FXN: variants seen among roughly 807,000 people sequenced by gnomAD.
FXN encodes the protein frataxin, mitochondrial.
In FXN, 14 loss-of-function variants were observed where a neutral mutation model predicts 22.4. The observed-to-expected ratio is 0.62, with a 90% CI of 0.41 to 0.98. The LOEUF (loss-of-function observed/expected upper bound fraction) is 0.98. Among genes scored for constraint, FXN ranks in the 50% least tolerant of loss-of-function variants. The pLI is 0.00. For synonymous variants in FXN, 120 were observed against 114.1 expected, an observed-to-expected ratio of 1.05 and a Z score of -0.33; for missense variants, 267 against 268.4, an observed-to-expected ratio of 0.99 and a Z score of 0.04.
intron 4 of FXN, among the ~76,000 whole-genome samples, chr9:69,070,701 A>G (rs927004262): frequency 3.9e-5 from 6 of 152,182 alleles, no homozygotes; most frequent in Admixed American, 6.5e-5. Flanking sequence ...TTTTTCAAAT[A>G]AAGGTTGTTT....
chr9:69,040,948 A>C (rs1831646926), intron 1 of FXN, among the ~76,000 whole-genome samples: 1 of 152,200 alleles, frequency 6.6e-6, no homozygotes, highest in African/African-American at 2.4e-5. Context: ...CTGTTGGTGC[A>C]TTGATCTTGG....
At chr9:69,041,547 C>CT (rs1831656669) in intron 1 of FXN, among the ~76,000 whole-genome samples, 1 of 152,178 alleles carries the variant, frequency 6.6e-6, no homozygotes, top group South Asian at 2.1e-4. Flanking sequence ...AAGGGGCAGC[C>CT]AATAATCAAC....
Position 69,077,625 on chromosome 9 carries a change from T to G in FXN, c.*4863T>G. The G allele has an allele frequency of 5.1e-6, 5 of 985,474 alleles. No homozygotes were observed. Among genetic ancestry groups the G allele is most frequent in the Non-Finnish European group, 6.0e-6 (5 of 829,984 alleles). The allele number at this position is 985,474 out of a possible 1,614,324, so 61.0% of individuals were successfully genotyped here. A position where few individuals can be genotyped will look rare whatever the true frequency, so the allele number is the denominator to read the frequency against. ...TGGGAACATTGTTAACGCCACATCT[T>G]GACCTCAAATTGTTTAGCTCCTGGC... On this transcript the variant is annotated 3_prime_UTR_variant, in exon 5 of 5. Transcript: ENST00000484259.
chr9:69,039,114 G>A (rs1026199120), intron 1 of FXN, among the ~76,000 whole-genome samples: 1 of 152,018 alleles, frequency 6.6e-6, no homozygotes, highest in Non-Finnish European at 1.5e-5. Context: ...TTAGCTGGAT[G>A]TGGTGGCACT....
At chr9:69,061,668 C>A (rs192020247) in intron 3 of FXN, among the ~76,000 whole-genome samples, 21 of 151,266 alleles carry the variant, frequency 1.4e-4, no homozygotes, top group Non-Finnish European at 2.5e-4. Flanking sequence ...ATCCCTCCCC[C>A]CTTCCCCCTC....
intron 4 of FXN, among the ~76,000 whole-genome samples, chr9:69,068,913 C>A (rs77510505): frequency 1.3e-5 from 2 of 152,170 alleles, no homozygotes; most frequent in Non-Finnish European, 2.9e-5. Context: ...TGAACTTCCC[C>A]GAGTGACTGA....
intron 1 of FXN, among the ~76,000 whole-genome samples, chr9:69,044,651 A>G (rs1831713982): frequency 6.6e-6 from 1 of 152,162 alleles, no homozygotes; most frequent in Non-Finnish European, 1.5e-5. Flanking sequence ...GGCAAGACCC[A>G]GGGCGCCCCC....
chr9:69,067,702 G>A (rs1290484236), intron 4 of FXN, among the ~76,000 whole-genome samples: 2 of 152,178 alleles, frequency 1.3e-5, no homozygotes, highest in Admixed American at 1.3e-4. Flanking sequence ...ATTCTGCAGA[G>A]GCATTCAACT....
At chr9:69,045,801 G>A (rs1440571803) in intron 1 of FXN, among the ~76,000 whole-genome samples, 1 of 151,100 alleles carries the variant, frequency 6.6e-6, no homozygotes, top group Non-Finnish European at 1.5e-5. Flanking sequence ...GAAGTAGAAA[G>A]TGGACACTTT....
intron 1 of FXN, among the ~76,000 whole-genome samples, chr9:69,038,420 A>G (rs1831600693): frequency 1.3e-5 from 2 of 152,192 alleles, no homozygotes; most frequent in African/African-American, 4.8e-5. Context: ...AGCCACACAC[A>G]TAATTCTACA....
At chr9:69,071,433 C>A (rs1362834305) in intron 4 of FXN, among the ~76,000 whole-genome samples, 1 of 152,180 alleles carries the variant, frequency 6.6e-6, no homozygotes, top group Non-Finnish European at 1.5e-5. Flanking sequence ...ACTCAGGTGC[C>A]CTTTCTTCTG....
intron 1 of FXN, among the ~76,000 whole-genome samples, chr9:69,038,065 G>A (rs1418561454): frequency 6.6e-6 from 1 of 152,226 alleles, no homozygotes; most frequent in Non-Finnish European, 1.5e-5. Flanking sequence ...TGGCGCTGCC[G>A]CCCAGGAGGT....
intron 1 of FXN, among the ~76,000 whole-genome samples, chr9:69,037,313 A>AGAAGAAG (rs1564327478): frequency 6.8e-6 from 1 of 147,906 alleles, no homozygotes; most frequent in Non-Finnish European, 1.5e-5. Context: ...AAAATAAAGA[A>AGAAGAAG]AAGTTAGCCG....
chr9:69,048,586 C>G (rs372789004), intron 2 of FXN, among the ~76,000 whole-genome samples: 2 of 151,532 alleles, frequency 1.3e-5, no homozygotes, highest in African/African-American at 4.8e-5. Flanking sequence ...GCCTGGGTAA[C>G]GAGCGAAATT....
At chr9:69,049,120 G>T (rs1388195516) in intron 2 of FXN, among the ~76,000 whole-genome samples, 1 of 152,146 alleles carries the variant, frequency 6.6e-6, no homozygotes, top group Admixed American at 6.5e-5. Flanking sequence ...GCACACCCTT[G>T]ACCTGCCATG....
rs1312710692 is a variant in FXN at position 69,077,769 on chromosome 9, A to C, written c.*5007A>C. On this transcript the variant is annotated 3_prime_UTR_variant, in exon 5 of 5. Transcript: ENST00000484259. ...ACATGGTAAAACCCCGCCTCTACTA[A>C]AAATACAAAAATTAGCTGGCCGTAG... is the stretch of plus-strand genomic sequence containing the variant. 10 of 654,758 alleles carry C rather than the reference A, an allele frequency of 1.5e-5. No homozygotes were observed. In the African/African-American group the frequency reaches 2.0e-4, roughly 13 times the overall value. The allele number at this position is 654,758 out of a possible 1,614,324, so 40.6% of individuals were successfully genotyped here.
chr9:69,047,520 T>A (rs571371692), intron 2 of FXN, among the ~76,000 whole-genome samples: 11 of 152,186 alleles, frequency 7.2e-5, no homozygotes, highest in African/African-American at 2.4e-4. Context: ...CCTCCACAAA[T>A]CCCTGCTTCA....
intron 4 of FXN, among the ~76,000 whole-genome samples, chr9:69,070,729 G>GTT (rs201425763): frequency 6.8e-6 from 1 of 147,726 alleles, no homozygotes; most frequent in African/African-American, 2.5e-5. Flanking sequence ...AAAAAATTTT[G>GTT]TTTTTTTTTC....
At chr9:69,040,118 G>A (rs540919278) in intron 1 of FXN, among the ~76,000 whole-genome samples, 2 of 152,066 alleles carry the variant, frequency 1.3e-5, no homozygotes, top group Non-Finnish European at 2.9e-5. Flanking sequence ...CATGAGTTTC[G>A]GAGGTGACAA....
Sources: allele counts gnomAD v4.1 joint callset (sites outside exome capture counted in the v4.1 genomes callset), GRCh38; gene constraint gnomAD v4.1.1; transcripts MANE v1.5; gene names NCBI Gene and HGNC (gene_info 2026-07-23, HGNC 2026-07-21).